The following BDNF variants were observed in gnomAD, a reference collection of about 807,000 sequenced individuals.
The protein encoded by BDNF is neurotrophic factor BDNF precursor form.
Under a neutral mutation model 19.5 loss-of-function variants are expected in BDNF, and 1 was observed. The observed-to-expected ratio is 0.05, with a 90% CI of 0.02 to 0.24. The LOEUF (loss-of-function observed/expected upper bound fraction) is 0.24. Ranked by LOEUF, BDNF falls within the 10% of genes least tolerant of loss-of-function variation. The pLI is 1.00. For missense variants in BDNF, 195 were observed against 317.6 expected (o/e 0.61, Z 2.93); for synonymous variants, 100 against 121.6 (o/e 0.82, Z 1.17).
Position 27,657,256 on chromosome 11 carries a change from AAC to A in BDNF, c.*563_*564del. On this transcript the variant is annotated 3_prime_UTR_variant, in exon 2 of 2. Transcript: ENST00000356660. The surrounding 1 kb of genome is among the most constrained non-coding windows in gnomAD (Gnocchi z 5.0). ...AAACAAAACAAACAAACGAAAAAAA[AAC>A]ACAAAACAAACAAAAATATACCCCC... 3.0e-6 allele frequency: 3 copies of A among 987,422 alleles called. No homozygotes were observed. The highest frequency in any genetic ancestry group is 3.6e-6 in the Non-Finnish European group (3 of 830,942). The allele number at this position is 987,422 out of a possible 1,614,324, so 61.2% of individuals were successfully genotyped here. A position where few individuals can be genotyped will look rare whatever the true frequency, so the allele number is the denominator to read the frequency against.
At chr11:27,683,005 A>G (rs1421164661) in intron 1 of BDNF, among the ~76,000 whole-genome samples, 3 of 152,188 alleles carry the variant, frequency 2.0e-5, no homozygotes, top group African/African-American at 7.2e-5. Flanking sequence ...CAATGGTTGA[A>G]CTAATTTACA....
At position 27,697,168 on chromosome 11, in the gene BDNF, G is replaced by C. The variant is rs376804910; in HGVS notation, c.-22+2996C>G. Among the ~76,000 whole-genome samples the C allele has an allele frequency of 5.8e-3, 600 of 104,196 alleles. 3 individuals carry two copies. The highest frequency in any genetic ancestry group is 6.9e-3 in the Non-Finnish European group (282 of 40,696). 68.4% of individuals were successfully genotyped at this position (104,196 alleles called of 152,430 possible). On this transcript the variant is annotated intron_variant, in intron 1 of 1. Coordinates refer to ENST00000356660, the MANE Select transcript of BDNF (RefSeq NM_001709.5). ...GCACACACACACACACACACACAGA[G>C]AGAGAGAGAGAGAGAGAGAGAGAGA... is the stretch of plus-strand genomic sequence containing the variant.
At chr11:27,700,536 CCCCCGCCCCCCGCT>C, upstream of BDNF, 10 of 723,726 alleles carry the variant, frequency 1.4e-5, no homozygotes, top group Non-Finnish European at 1.7e-5. Flanking sequence ...CCCCCCCCGC[CCCCCGCCCCCCGCT>C]CCCCGCTCGC....
chr11:27,672,132 T>G (rs1855477769), intron 1 of BDNF, among the ~76,000 whole-genome samples: 2 of 152,198 alleles, frequency 1.3e-5, no homozygotes, highest in Admixed American at 1.3e-4. Context: ...GCTCCTTTTA[T>G]GTCAACTAGC....
chr11:27,714,025 C>T (rs906227603), intron 1 of BDNF, among the ~76,000 whole-genome samples: 10 of 152,178 alleles, frequency 6.6e-5, no homozygotes, highest in Non-Finnish European at 1.3e-4. Flanking sequence ...ATGCCTAGTG[C>T]ATCAGAAGTT....
intron 1 of BDNF, among the ~76,000 whole-genome samples, chr11:27,713,827 G>T (rs751098225): frequency 2.0e-5 from 3 of 152,134 alleles, no homozygotes; most frequent in African/African-American, 7.2e-5. Context: ...GCCCAGAGTG[G>T]ATCAAAATGT....
chr11:27,681,419 G>A (rs1332975394), intron 1 of BDNF, among the ~76,000 whole-genome samples: 3 of 152,094 alleles, frequency 2.0e-5, no homozygotes, highest in African/African-American at 7.2e-5. Context: ...ACACAATAAT[G>A]TTTTGTTATA....
At chr11:27,698,977 C>T (rs1375235948) in intron 1 of BDNF, among the ~76,000 whole-genome samples, 1 of 152,076 alleles carries the variant, frequency 6.6e-6, no homozygotes, top group Admixed American at 6.6e-5. Context: ...CAAAATCCAC[C>T]GACGACGAGT....
In BDNF at chr11:27,694,614, C is replaced by T. The variant is rs1387843345; in HGVS notation, c.-22+5550G>A. 1.4e-4 allele frequency among the ~76,000 whole-genome samples: 20 copies of T among 138,742 alleles called. 2 individuals carry two copies. The highest frequency in any genetic ancestry group is 7.5e-4 in the Admixed American group (10 of 13,350). The allele number at this position is 138,742 out of a possible 152,430, so 91.0% of individuals were successfully genotyped here. A position where few individuals can be genotyped will look rare whatever the true frequency, so the allele number is the denominator to read the frequency against. On this transcript the variant is annotated intron_variant, in intron 1 of 1. Transcript: ENST00000356660. ...TTTTTTTTTTTTTTTTTGGTGCTGG[C>T]TCAGATGTATACCTTCATCTATTCT...
intron 1 of BDNF, among the ~76,000 whole-genome samples, chr11:27,667,606 G>A (rs1342322201): frequency 6.6e-6 from 1 of 152,080 alleles, no homozygotes; most frequent in African/African-American, 2.4e-5. Context: ...AAAAAAAGCA[G>A]GAGTTGCAAT....
chr11:27,675,068 G>GGCA (rs564413603), intron 1 of BDNF: 3,663 of 277,676 alleles, frequency 0.013, 44 homozygotes, highest in Non-Finnish European at 0.017. Context: ...ATATGAACCA[G>GGCA]TGCTGGCTTG....
At chr11:27,712,342 A>G (rs1266524335) in intron 1 of BDNF, among the ~76,000 whole-genome samples, 1 of 152,216 alleles carries the variant, frequency 6.6e-6, no homozygotes, top group African/African-American at 2.4e-5. Flanking sequence ...AAATACATTG[A>G]TACTTATCAT....
upstream of BDNF, chr11:27,701,268 G>A (rs1418751597): frequency 4.3e-5 from 49 of 1,129,440 alleles, no homozygotes; most frequent in Non-Finnish European, 5.1e-5. Context: ...ACAGAAAAAC[G>A]GAAAGAGAAA....
intron 1 of BDNF, among the ~76,000 whole-genome samples, chr11:27,660,462 A>G (rs1297266751): frequency 1.3e-5 from 2 of 152,200 alleles, no homozygotes; most frequent in African/African-American, 4.8e-5. Context: ...CATCAAAGAA[A>G]TAGATCGTCC....
At chr11:27,710,729 C>T (rs1036971559) in intron 1 of BDNF, among the ~76,000 whole-genome samples, 1 of 152,220 alleles carries the variant, frequency 6.6e-6, no homozygotes. Context: ...ATCACAGCAT[C>T]TGCAGTATTA....
Position 27,671,050 on chromosome 11 carries a change from C to A in BDNF, c.-21-12465G>T, listed in dbSNP as rs148899171. ...AAGGACATCATTCTGAGCAAACTAT[C>A]GCAAGGACAGAAAACCAAACACCGC... is the stretch of plus-strand genomic sequence containing the variant. On this transcript the variant is annotated intron_variant, in intron 1 of 1. Coordinates refer to ENST00000356660, the MANE Select transcript of BDNF (RefSeq NM_001709.5). Among the ~76,000 whole-genome samples, 3 of 152,088 alleles carry A rather than the reference C, an allele frequency of 2.0e-5. No homozygotes were observed. The East Asian group carries it at 5.8e-4, about 29-fold the overall frequency.
At chr11:27,721,752 A>G (rs903697421) in exon 1 of BDNF, 7 of 423,026 alleles carry the variant, frequency 1.7e-5, no homozygotes, top group Non-Finnish European at 3.0e-5. Flanking sequence ...TGATTGCCCA[A>G]CTGCCCTGCT....
At chr11:27,672,264 CA>C (rs1390561912) in intron 1 of BDNF, among the ~76,000 whole-genome samples, 1 of 152,078 alleles carries the variant, frequency 6.6e-6, no homozygotes, top group Non-Finnish European at 1.5e-5. Context: ...TAATTCTTAC[CA>C]AAATGCTACA....
At chr11:27,716,578 C>G (rs1860523956) in intron 1 of BDNF, among the ~76,000 whole-genome samples, 1 of 152,042 alleles carries the variant, frequency 6.6e-6, no homozygotes, top group Non-Finnish European at 1.5e-5. Flanking sequence ...ATAAGCAACT[C>G]ATTAAATTAT....
Sources: gnomAD v4.1 joint callset for allele counts (sites outside exome capture counted in the v4.1 genomes callset) on GRCh38, gnomAD v4.1.1 for gene constraint, Gnocchi (gnomAD v3.1) non-coding constraint, MANE v1.5 for transcripts, NCBI Gene and HGNC (gene_info 2026-07-23, HGNC 2026-07-21) for gene names.